The following CORO7 variants were observed in gnomAD, a reference collection of about 807,000 sequenced individuals.
The protein encoded by CORO7 is coronin-7.
CORO7 carries 107 observed loss-of-function variants against 126.6 expected under a neutral mutation model. That is an observed-to-expected ratio of 0.85 (90% confidence interval 0.72 to 0.99). The LOEUF (loss-of-function observed/expected upper bound fraction) is 0.99, where lower values mean the gene tolerates loss of function less well. Among genes scored for constraint, CORO7 ranks in the 50% least tolerant of loss-of-function variants. The pLI, the probability that CORO7 is intolerant of heterozygous loss-of-function variation, is 0.00. For missense variants in CORO7, 1,314 were observed against 1,255.8 expected (o/e 1.05, Z -0.70); for synonymous variants, 603 against 536.8 (o/e 1.12, Z -1.70).
intron 7 of CORO7, among the ~76,000 whole-genome samples, chr16:4,390,949 C>A (rs551802420): frequency 6.6e-6 from 1 of 152,364 alleles, no homozygotes; most frequent in South Asian, 2.1e-4. Flanking sequence ...CTCCCTGGAG[C>A]ATTCAGCCCA....
chr16:4,407,710 C>G (rs2056057166), intron 4 of CORO7, 26 bp from the exon 5 acceptor site: 2 of 1,553,772 alleles, frequency 1.3e-6, no homozygotes, highest in African/African-American at 2.7e-5. Flanking sequence ...AGTCCGTGAG[C>G]ACAGGGCTGA....
intron 4 of CORO7, 105 bp downstream of exon 4, chr16:4,408,076 C>T (rs1441446938): frequency 1.3e-6 from 2 of 1,543,064 alleles, no homozygotes; most frequent in African/African-American, 2.7e-5. Context: ...TGGGGTGGGG[C>T]TGGACTGGGA....
intron 9 of CORO7, among the ~76,000 whole-genome samples, chr16:4,383,816 G>A (rs926885048): frequency 2.0e-5 from 3 of 152,230 alleles, no homozygotes; most frequent in Admixed American, 6.5e-5. Flanking sequence ...GGAGAGGCTT[G>A]TGGCACATGT....
chr16:4,371,002 C>A (rs2054503701), intron 9 of CORO7, among the ~76,000 whole-genome samples: 2 of 152,346 alleles, frequency 1.3e-5, no homozygotes, highest in Non-Finnish European at 2.9e-5. Context: ...TCCTCCAAGG[C>A]AGGGGATTTT....
At chr16:4,410,266 CAT>C (rs1393772622) in intron 3 of CORO7, among the ~76,000 whole-genome samples, 2 of 152,046 alleles carry the variant, frequency 1.3e-5, no homozygotes, top group Admixed American at 6.6e-5. Context: ...CTCCACAAAA[CAT>C]AAAAAAATCA....
chr16:4,393,688 A>G, intron 7 of CORO7, among the ~76,000 whole-genome samples: 1 of 152,148 alleles, frequency 6.6e-6, no homozygotes, highest in East Asian at 1.9e-4. Flanking sequence ...GGGAGGGGGT[A>G]TCTATGATGG....
intron 9 of CORO7, among the ~76,000 whole-genome samples, chr16:4,376,519 C>T (rs1202086456): frequency 6.6e-6 from 1 of 152,166 alleles, no homozygotes; most frequent in Non-Finnish European, 1.5e-5. Flanking sequence ...AAGCCTGTCC[C>T]CTACTCAGCA....
At chr16:4,382,495 C>A in intron 9 of CORO7, 3 of 1,596,428 alleles carry the variant, frequency 1.9e-6, no homozygotes, top group Non-Finnish European at 2.6e-6. Flanking sequence ...GCCTTTGGGG[C>A]CCGGGCGGGT....
In CORO7 at chr16:4,355,749, G is replaced by A. The variant is rs192250268; in HGVS notation, c.2686-377C>T. ...CTCCCACGGTGCTGGGATTACAGGCGTGAGCCACAGCGCCCGGCCTTTTTG... is the reference window on the plus strand; with the variant it reads ...CTCCCACGGTGCTGGGATTACAGGCATGAGCCACAGCGCCCGGCCTTTTTG... On this transcript the variant is annotated intron_variant, in intron 26 of 27. Transcript: ENST00000251166. 236 of 206,390 alleles carry A rather than the reference G, an allele frequency of 1.1e-3. 1 individual carries two copies. Among genetic ancestry groups the A allele is most frequent in the African/African-American group, 5.1e-3 (222 of 43,642 alleles). The allele number at this position is 206,390 out of a possible 1,614,324, so 12.8% of individuals were successfully genotyped here.
chr16:4,364,422 A>C lies in CORO7; in HGVS notation c.1138-9T>G. On this transcript the variant is annotated splice_polypyrimidine_tract_variant and intron_variant, in intron 13 of 27. Transcript: ENST00000251166. Reference sequence around the variant, plus strand: ...AGGCTGACCTTCTGCACCTGCATGGAGGCCGGCAGTGGGGAGATGGGGGCA... The same window carrying C: ...AGGCTGACCTTCTGCACCTGCATGGCGGCCGGCAGTGGGGAGATGGGGGCA... 6.7e-7 allele frequency: 1 copy of C among 1,496,492 alleles called. No homozygotes were observed. Among genetic ancestry groups the C allele is most frequent in the Non-Finnish European group, 8.9e-7 (1 of 1,125,150 alleles). The allele number at this position is 1,496,492 out of a possible 1,614,324, so 92.7% of individuals were successfully genotyped here. A position where few individuals can be genotyped will look rare whatever the true frequency, so the allele number is the denominator to read the frequency against.
chr16:4,388,667 G>A (rs1247925411), intron 7 of CORO7, 36 bp from the exon 8 acceptor site: 2 of 1,592,832 alleles, frequency 1.3e-6, no homozygotes, highest in South Asian at 2.3e-5. Context: ...AGCCCCCAGG[G>A]CCCTGCTGGT....
Position 4,359,597 on chromosome 16 carries a change from T to C in CORO7, c.2133A>G (p.Leu711=), listed in dbSNP as rs777749482. ...CGCCGGCCAGGGCCTCAGCTTCATA[T>C]AGGAGCAGCTGGCGCTCACTTTGGC... ...FDSQSERQLL[L]YEAEALAGGP... is the part of the protein sequence containing the mutation. Residue 711 remains leucine (L), a synonymous_variant, in exon 22 of 28, where the codon CTA becomes CTG. Transcript: ENST00000251166. 3.7e-6 allele frequency: 6 copies of C among 1,605,670 alleles called. No individual in the cohort carries two copies. Among genetic ancestry groups the C allele is most frequent in the East Asian group, 2.2e-5 (1 of 44,698 alleles).
In CORO7 at chr16:4,362,304, G is replaced by C; in HGVS notation, c.1403-144C>G. On this transcript the variant is annotated intron_variant, in intron 15 of 27. Transcript: ENST00000251166. The surrounding 1 kb of genome is among the most constrained non-coding windows in gnomAD (Gnocchi z 5.3). Reference sequence around the variant, plus strand: ...GGCCCAGGCCTTTGCTAATCCAGTGGATGCAACTCGCCCAGGAATAATGTC... The same window carrying C: ...GGCCCAGGCCTTTGCTAATCCAGTGCATGCAACTCGCCCAGGAATAATGTC... 8.1e-7 allele frequency: 1 copy of C among 1,227,234 alleles called. No homozygotes were observed. Among genetic ancestry groups the C allele is most frequent in the Non-Finnish European group, 1.1e-6 (1 of 901,904 alleles). The allele number at this position is 1,227,234 out of a possible 1,614,324, so 76.0% of individuals were successfully genotyped here. A position where few individuals can be genotyped will look rare whatever the true frequency, so the allele number is the denominator to read the frequency against.
At chr16:4,366,141 G>T (rs960593334) in intron 9 of CORO7, among the ~76,000 whole-genome samples, 2 of 152,158 alleles carry the variant, frequency 1.3e-5, no homozygotes, top group Non-Finnish European at 2.9e-5. Context: ...TCTGAGCCAC[G>T]TGCCCGGGAG....
intron 9 of CORO7, among the ~76,000 whole-genome samples, chr16:4,375,034 T>G (rs970813790): frequency 5.3e-5 from 8 of 151,988 alleles, no homozygotes; most frequent in South Asian, 2.1e-4. Context: ...GACTGGCCCA[T>G]TTCTAGTTGG....
intron 3 of CORO7, among the ~76,000 whole-genome samples, chr16:4,411,636 T>TATCAG (rs2056213102): frequency 6.6e-6 from 1 of 152,054 alleles, no homozygotes; most frequent in African/African-American, 2.4e-5. Flanking sequence ...CTATTGTTAT[T>TATCAG]AACCACCATC....
At chr16:4,408,629 T>G (rs2056098537) in intron 3 of CORO7, among the ~76,000 whole-genome samples, 1 of 152,230 alleles carries the variant, frequency 6.6e-6, no homozygotes, top group Non-Finnish European at 1.5e-5. Flanking sequence ...GCTTTTTGGT[T>G]AAGCAAGCCG....
At chr16:4,376,107 A>G (rs574075958) in intron 9 of CORO7, among the ~76,000 whole-genome samples, 2 of 152,248 alleles carry the variant, frequency 1.3e-5, no homozygotes, top group African/African-American at 4.8e-5. Flanking sequence ...GGGAGGGTCT[A>G]CCTGCCGCAG....
intron 6 of CORO7, among the ~76,000 whole-genome samples, chr16:4,402,827 C>CGTGAGGAG (rs1394220863): frequency 1.6e-4 from 24 of 152,328 alleles, no homozygotes; most frequent in Non-Finnish European, 3.4e-4. Context: ...ATGGGCCATC[C>CGTGAGGAG]GTGAGGAGAG....
Sources: allele counts gnomAD v4.1 joint callset (sites outside exome capture counted in the v4.1 genomes callset), GRCh38; gene constraint gnomAD v4.1.1; non-coding constraint Gnocchi (gnomAD v3.1); transcripts MANE v1.5; gene names NCBI Gene and HGNC (gene_info 2026-07-23, HGNC 2026-07-21).